Variants in COA1 observed in about 807,000 individuals in gnomAD.
COA1 encodes cytochrome c oxidase assembly factor 1 homolog.
In COA1, 13 loss-of-function variants were observed where a neutral mutation model predicts 16.0. The observed-to-expected ratio is 0.81, with a 90% CI of 0.53 to 1.29. The LOEUF (loss-of-function observed/expected upper bound fraction) is 1.29. COA1 is among the 50% of genes most tolerant of loss of function. COA1 has a pLI of 0.00. For missense variants in COA1, 179 were observed against 177.0 expected (o/e 1.01, Z -0.06); for synonymous variants, 65 against 65.7 (o/e 0.99, Z 0.05).
chr7:43,609,700 A>G (rs982015701), intron 6 of COA1: 6 of 152,286 alleles, frequency 3.9e-5, no homozygotes, highest in African/African-American at 1.4e-4. Flanking sequence ...CCTAGTTCCT[A>G]GTGTTTATTT....
intron 6 of COA1, chr7:43,633,416 G>C: frequency 6.6e-6 from 1 of 152,266 alleles, no homozygotes; most frequent in East Asian, 1.9e-4. Context: ...GGCCTGAAAA[G>C]TGGGAGAAAG....
chr7:43,681,363 G>C (rs908528099), intron 1 of COA1, among the ~76,000 whole-genome samples: 1 of 151,942 alleles, frequency 6.6e-6, no homozygotes, highest in Admixed American at 6.6e-5. Context: ...TGGTTTCCTA[G>C]AGGTCATATT....
intron 1 of COA1, among the ~76,000 whole-genome samples, chr7:43,686,228 C>T (rs1031131621): frequency 2.0e-5 from 3 of 151,718 alleles, no homozygotes; most frequent in Non-Finnish European, 4.4e-5. Flanking sequence ...AATGAATAAA[C>T]TCTCTTCTGT....
At chr7:43,616,635 C>T (rs1182578656) in intron 6 of COA1, among the ~76,000 whole-genome samples, 4 of 152,288 alleles carry the variant, frequency 2.6e-5, no homozygotes, top group Non-Finnish European at 4.4e-5. Context: ...CGGTGGCTCA[C>T]GCCTGTAATC....
intron 1 of COA1, among the ~76,000 whole-genome samples, chr7:43,667,394 A>G (rs904287442): frequency 3.3e-5 from 5 of 152,236 alleles, no homozygotes; most frequent in African/African-American, 1.2e-4. Flanking sequence ...TCTTTAAGTT[A>G]TATTTTGGTG....
At chr7:43,671,805 A>G (rs1367683543) in intron 1 of COA1, among the ~76,000 whole-genome samples, 1 of 152,080 alleles carries the variant, frequency 6.6e-6, no homozygotes, top group African/African-American at 2.4e-5. Flanking sequence ...AGTGAGTCTC[A>G]TGAGATCTGG....
intron 6 of COA1, among the ~76,000 whole-genome samples, chr7:43,627,623 T>C (rs1054444925): frequency 3.3e-5 from 5 of 152,234 alleles, no homozygotes; most frequent in African/African-American, 1.2e-4. Context: ...CCATGTACTA[T>C]ATTTATTGTC....
chr7:43,639,715 T>C, intron 5 of COA1, 34 bp from the exon 6 acceptor site: 1 of 1,549,800 alleles, frequency 6.5e-7, no homozygotes. Context: ...ATCTCTAATC[T>C]ATGAAGGCTG....
intron 4 of COA1, among the ~76,000 whole-genome samples, chr7:43,644,463 T>C (rs2088146557): frequency 6.6e-6 from 1 of 152,170 alleles, no homozygotes; most frequent in Admixed American, 6.6e-5. Context: ...AAATACACTT[T>C]AAAAATCAAA....
chr7:43,727,932 A>C (rs1456341967), intron 1 of COA1, among the ~76,000 whole-genome samples: 1 of 152,058 alleles, frequency 6.6e-6, no homozygotes, highest in African/African-American at 2.4e-5. Context: ...TGGTTGTACA[A>C]CTTTGTGAAT....
intron 1 of COA1, among the ~76,000 whole-genome samples, chr7:43,688,162 A>G (rs982204354): frequency 3.3e-5 from 5 of 152,164 alleles, no homozygotes; most frequent in African/African-American, 1.2e-4. Context: ...AGTTTTGGGT[A>G]TGTCTTTATC....
chr7:43,699,905 T>C (rs1273424694), intron 1 of COA1, among the ~76,000 whole-genome samples: 1 of 152,112 alleles, frequency 6.6e-6, no homozygotes, highest in East Asian at 1.9e-4. Context: ...AGGTATGATT[T>C]TGGTTTGTCC....
Position 43,648,750 on chromosome 7 carries a change from A to C in COA1, c.-38-98T>G, listed in dbSNP as rs143822522. 1.9e-5 allele frequency: 16 copies of C among 823,258 alleles called. No individual in the cohort carries two copies. In the Admixed American group the frequency reaches 2.9e-4, roughly 15 times the overall value. 51.0% of individuals were successfully genotyped at this position (823,258 alleles called of 1,614,324 possible). A position where few individuals can be genotyped will look rare whatever the true frequency, so the allele number is the denominator to read the frequency against. On this transcript the variant is annotated intron_variant, in intron 1 of 5. Coordinates refer to ENST00000223336, the MANE Select transcript of COA1 (RefSeq NM_018224.4). Reference sequence around the variant, plus strand: ...GATTTATTACCAACCCAAGCTTTAGAACACGAACAAGAAGTTAAAATTAAA... The same window carrying C: ...GATTTATTACCAACCCAAGCTTTAGCACACGAACAAGAAGTTAAAATTAAA...
intron 6 of COA1, chr7:43,625,041 G>C (rs1043023292): frequency 3.8e-5 from 16 of 425,502 alleles, no homozygotes; most frequent in African/African-American, 3.1e-4. Flanking sequence ...AACAGGTACA[G>C]TTACCCGTTT....
chr7:43,671,794 T>C (rs1321429056), intron 1 of COA1, among the ~76,000 whole-genome samples: 3 of 152,148 alleles, frequency 2.0e-5, no homozygotes, highest in African/African-American at 2.4e-5. Context: ...GTTCTCGTGA[T>C]AGTGAGTCTC....
intron 1 of COA1, among the ~76,000 whole-genome samples, chr7:43,727,071 A>G (rs2095631670): frequency 6.6e-6 from 1 of 152,234 alleles, no homozygotes; most frequent in Admixed American, 6.5e-5. Context: ...TGATTTGATC[A>G]CTACACATTG....
At chr7:43,651,712 A>C (rs1269568908) in intron 1 of COA1, among the ~76,000 whole-genome samples, 1 of 147,988 alleles carries the variant, frequency 6.8e-6, no homozygotes, top group Non-Finnish European at 1.5e-5. Context: ...AAAAAAAAAA[A>C]CAGGCCAGGT....
intron 1 of COA1, among the ~76,000 whole-genome samples, chr7:43,686,865 A>G (rs1353978968): frequency 6.6e-6 from 1 of 152,222 alleles, no homozygotes; most frequent in Non-Finnish European, 1.5e-5. Flanking sequence ...AAAAATTGAT[A>G]TAGTGAGTTC....
chr7:43,725,442 A>G (rs2095596461), intron 1 of COA1, among the ~76,000 whole-genome samples: 2 of 152,248 alleles, frequency 1.3e-5, no homozygotes, highest in East Asian at 3.8e-4. Flanking sequence ...TCTAACTGGA[A>G]TCAAGCCAAG....
Sources: gnomAD v4.1 joint callset for allele counts (sites outside exome capture counted in the v4.1 genomes callset) on GRCh38, gnomAD v4.1.1 for gene constraint, MANE v1.5 for transcripts, NCBI Gene and HGNC (gene_info 2026-07-23, HGNC 2026-07-21) for gene names.